Variants in ATXN1 observed in about 807,000 individuals in gnomAD.
ATXN1 encodes ataxin-1.
ATXN1 carries 8 observed loss-of-function variants against 56.4 expected under a neutral mutation model. The observed-to-expected ratio is 0.14, with a 90% CI of 0.08 to 0.26. The LOEUF (loss-of-function observed/expected upper bound fraction) is 0.26. Among genes scored for constraint, ATXN1 ranks in the 10% least tolerant of loss-of-function variants. The probability of loss-of-function intolerance (pLI) is 1.00; values close to 1 mark genes in which losing one functional copy is unlikely to be tolerated. For missense variants in ATXN1, 987 were observed against 1,106.5 expected (o/e 0.89, Z 1.53); for synonymous variants, 514 against 494.6 (o/e 1.04, Z -0.52).
intron 6 of ATXN1, among the ~76,000 whole-genome samples, chr6:16,469,979 AAG>A (rs1760185614): frequency 6.6e-6 from 1 of 152,020 alleles, no homozygotes; most frequent in African/African-American, 2.4e-5. Flanking sequence ...AAAAAAGAAA[AAG>A]AGAGAGTTGA....
chr6:16,474,817 G>A lies in ATXN1; in HGVS notation c.-161+11155C>T, dbSNP rs6915824. Among the ~76,000 whole-genome samples, 463 of 150,026 alleles carry A rather than the reference G, an allele frequency of 3.1e-3. 3 individuals carry two copies. The highest frequency in any genetic ancestry group is 0.011 in the African/African-American group (441 of 40,874). The stretch of plus-strand genomic sequence containing the variant: ...TTTAACTACTGTAGGTGCCTAGCCT[G>A]TAGCATATGTGTGTGCATACACACA... On this transcript the variant is annotated intron_variant, in intron 6 of 7. Coordinates refer to ENST00000436367, the MANE Select transcript of ATXN1 (RefSeq NM_001128164.2).
chr6:16,667,023 T>C (rs1443331872), intron 2 of ATXN1: 1 of 152,198 alleles, frequency 6.6e-6, no homozygotes, highest in Non-Finnish European at 1.5e-5. Context: ...TGGTTATCTT[T>C]GGGTGTTAAT....
chr6:16,334,585 T>C (rs1467888823), intron 6 of ATXN1, among the ~76,000 whole-genome samples: 2 of 151,850 alleles, frequency 1.3e-5, no homozygotes, highest in African/African-American at 4.8e-5. Flanking sequence ...GGCATGGTGG[T>C]TTGCATCTGT....
chr6:16,351,993 A>G (rs1430095256), intron 6 of ATXN1, among the ~76,000 whole-genome samples: 1 of 152,250 alleles, frequency 6.6e-6, no homozygotes, highest in East Asian at 1.9e-4. Context: ...GGCTTCCATC[A>G]GAAAAACATC....
At chr6:16,534,304 C>A (rs1231397955) in intron 4 of ATXN1, among the ~76,000 whole-genome samples, 1 of 151,706 alleles carries the variant, frequency 6.6e-6, no homozygotes, top group African/African-American at 2.4e-5. Context: ...CAATCAGGGG[C>A]ACACATCTCT....
intron 2 of ATXN1, among the ~76,000 whole-genome samples, chr6:16,701,341 C>A (rs1255644432): frequency 6.6e-6 from 1 of 152,192 alleles, no homozygotes; most frequent in African/African-American, 2.4e-5. Flanking sequence ...AAGCCATTAA[C>A]CCTTTTGGCC....
chr6:16,680,168 G>A (rs1288393086), intron 2 of ATXN1, among the ~76,000 whole-genome samples: 1 of 152,026 alleles, frequency 6.6e-6, no homozygotes, highest in African/African-American at 2.4e-5. Flanking sequence ...AGTTCAAATA[G>A]GTATCAGAGG....
At chr6:16,508,052 G>A (rs1761012758) in intron 5 of ATXN1, among the ~76,000 whole-genome samples, 1 of 152,158 alleles carries the variant, frequency 6.6e-6, no homozygotes, top group African/African-American at 2.4e-5. Context: ...CACATTAACT[G>A]TGGGCTTGGC....
intron 2 of ATXN1, among the ~76,000 whole-genome samples, chr6:16,687,657 TACACACACACAC>T (rs57034032): frequency 2.4e-4 from 34 of 143,392 alleles, no homozygotes; most frequent in Admixed American, 2.8e-4. Context: ...AAAGAAGAAA[TACACACACACAC>T]ACACACACAC....
rs1407837802 is a variant in ATXN1, at chr6:16,669,982, C to G, written c.-614-12081G>C. 3.3e-5 allele frequency among the ~76,000 whole-genome samples: 5 copies of G among 152,206 alleles called. No homozygotes were observed. In the South Asian group the frequency reaches 8.3e-4, roughly 25 times the overall value. On this transcript the variant is annotated intron_variant, in intron 2 of 7. Coordinates refer to ENST00000436367, the MANE Select transcript of ATXN1 (RefSeq NM_001128164.2). Reference sequence around the variant, plus strand: ...CACTGAAGCTGACCACCCCATGACCCCCAACCAAGAAAGGGTAAGCCAACA... The same window carrying G: ...CACTGAAGCTGACCACCCCATGACCGCCAACCAAGAAAGGGTAAGCCAACA...
chr6:16,696,479 CA>C (rs1561812290), intron 2 of ATXN1, among the ~76,000 whole-genome samples: 1 of 152,170 alleles, frequency 6.6e-6, no homozygotes, highest in Non-Finnish European at 1.5e-5. Flanking sequence ...ATACATTTTA[CA>C]ATGATTTCTG....
intron 4 of ATXN1, among the ~76,000 whole-genome samples, chr6:16,548,415 T>G (rs1252216577): frequency 6.6e-6 from 1 of 152,218 alleles, no homozygotes; most frequent in East Asian, 1.9e-4. Flanking sequence ...AATTTATTTT[T>G]GAAATTTCTT....
intron 2 of ATXN1, among the ~76,000 whole-genome samples, chr6:16,702,690 C>G (rs1246399600): frequency 1.3e-5 from 2 of 152,216 alleles, no homozygotes; most frequent in Non-Finnish European, 2.9e-5. Context: ...TGAATAGACA[C>G]TTCTCAAAAG....
At chr6:16,663,741 G>A (rs370802351) in intron 2 of ATXN1, among the ~76,000 whole-genome samples, 12 of 151,700 alleles carry the variant, frequency 7.9e-5, no homozygotes, top group East Asian at 5.8e-4. Context: ...CATAGCTCAC[G>A]GCAACCTCGA....
intron 6 of ATXN1, among the ~76,000 whole-genome samples, chr6:16,474,835 TACACAC>T (rs80085771): frequency 5.5e-4 from 81 of 147,006 alleles, no homozygotes; most frequent in Non-Finnish European, 8.5e-4. Context: ...TGTGTGTGCA[TACACAC>T]ACACACACAC....
Position 16,612,144 on chromosome 6 carries a change from C to G in ATXN1, c.-488-26237G>C, listed in dbSNP as rs562645168. On this transcript the variant is annotated intron_variant, in intron 3 of 7. Coordinates refer to ENST00000436367, the MANE Select transcript of ATXN1 (RefSeq NM_001128164.2). ...AAAGTGCTGGGATTACAGGTGTGAG[C>G]CACCGCGCCCGGCCAGCAGATGAAA... Among the ~76,000 whole-genome samples, 6 of 152,024 alleles carry G rather than the reference C, an allele frequency of 3.9e-5. No individual in the cohort carries two copies. In the East Asian group the frequency reaches 1.2e-3, roughly 29 times the overall value.
chr6:16,401,617 TG>T (rs1436535868), intron 6 of ATXN1, among the ~76,000 whole-genome samples: 2 of 140,804 alleles, frequency 1.4e-5, no homozygotes, highest in Non-Finnish European at 3.1e-5. Context: ...TTGCCTCCAT[TG>T]GGAAGAGTGC....
At chr6:16,561,829 G>A (rs1762124469) in intron 4 of ATXN1, among the ~76,000 whole-genome samples, 1 of 152,156 alleles carries the variant, frequency 6.6e-6, no homozygotes, top group African/African-American at 2.4e-5. Flanking sequence ...TGAGGTGTGA[G>A]AGGAACATGT....
At chr6:16,439,576 G>A (rs576137521) in intron 6 of ATXN1, among the ~76,000 whole-genome samples, 1 of 152,010 alleles carries the variant, frequency 6.6e-6, no homozygotes, top group Non-Finnish European at 1.5e-5. Context: ...GAAAAGATAC[G>A]TGTATTAATT....
Sources: gnomAD v4.1 joint callset for allele counts (sites outside exome capture counted in the v4.1 genomes callset) on GRCh38, gnomAD v4.1.1 for gene constraint, MANE v1.5 for transcripts, NCBI Gene and HGNC (gene_info 2026-07-23, HGNC 2026-07-21) for gene names.